The following CYB5R4 variants were observed in gnomAD, a reference collection of about 807,000 sequenced individuals.
The protein encoded by CYB5R4 is N-terminal cytochrome b5 and cytochrome b5 oxidoreductase domain-containing protein.
CYB5R4 carries 55 observed loss-of-function variants against 70.2 expected under a neutral mutation model. That is an observed-to-expected ratio of 0.78 (90% CI 0.63 to 0.98). CYB5R4 has a LOEUF of 0.98. Among genes scored for constraint, CYB5R4 ranks in the 50% least tolerant of loss-of-function variants. CYB5R4 has a pLI of 0.00. For synonymous variants in CYB5R4, 197 were observed against 199.5 expected (o/e 0.99, Z 0.11); for missense variants, 562 against 612.6 (o/e 0.92, Z 0.87).
At chr6:83,955,181 G>C (rs1320091739) in intron 14 of CYB5R4, 117 bp from the exon 15 acceptor site, 1 of 748,140 alleles carries the variant, frequency 1.3e-6, no homozygotes, top group African/African-American at 1.8e-5. Flanking sequence ...TAGCAAGTAA[G>C]TGTATCTTTA....
Position 83,910,136 on chromosome 6 carries a change from A to T in CYB5R4, c.412+1046A>T, listed in dbSNP as rs183017058. ...AGGACCTATAGTGGGCTGAGACATT[A>T]CTTTCAAAGATTTCTTTTACTGTCA... On this transcript the variant is annotated intron_variant, in intron 4 of 15. Transcript: ENST00000369681. The T allele has an allele frequency of 1.9e-6, 3 of 1,602,892 alleles. No individual in the cohort carries two copies. The African/African-American group carries it at 4.4e-5, about 24-fold the overall frequency.
chr6:83,895,593 A>C (rs1355270688), intron 3 of CYB5R4, among the ~76,000 whole-genome samples: 1 of 152,182 alleles, frequency 6.6e-6, no homozygotes, highest in Non-Finnish European at 1.5e-5. Flanking sequence ...ACTGTGCCAC[A>C]AGAAGAATTT....
chr6:83,931,804 T>TA (rs56378960), intron 10 of CYB5R4, among the ~76,000 whole-genome samples: 45,765 of 134,966 alleles, frequency 0.34, 7,529 homozygotes, highest in East Asian at 0.48. Context: ...TATATATATA[T>TA]TTTTTTTTTA....
intron 2 of CYB5R4, among the ~76,000 whole-genome samples, chr6:83,889,380 G>A (rs781411120): frequency 1.3e-5 from 2 of 152,190 alleles, no homozygotes; most frequent in Non-Finnish European, 2.9e-5. Context: ...TGCAGCTGGT[G>A]ACTTGAAGTC....
At chr6:83,956,956 CT>C (rs1414048221) in intron 15 of CYB5R4, among the ~76,000 whole-genome samples, 3 of 150,400 alleles carry the variant, frequency 2.0e-5, no homozygotes, top group African/African-American at 7.3e-5. Flanking sequence ...TTATATCTTG[CT>C]TTTTTATTTA....
chr6:83,918,761 A>C (rs1034121390), intron 6 of CYB5R4, among the ~76,000 whole-genome samples: 5 of 151,842 alleles, frequency 3.3e-5, no homozygotes, highest in Non-Finnish European at 2.9e-5. Context: ...TTTTTCTTTT[A>C]CCCCTTTTCT....
chr6:83,927,878 A>G, intron 10 of CYB5R4, among the ~76,000 whole-genome samples: 1 of 152,146 alleles, frequency 6.6e-6, no homozygotes, highest in Non-Finnish European at 1.5e-5. Flanking sequence ...TTGGTTTCCC[A>G]GGCAGACAGG....
At chr6:83,907,402 T>C (rs1175234334) in intron 3 of CYB5R4, among the ~76,000 whole-genome samples, 2 of 152,220 alleles carry the variant, frequency 1.3e-5, no homozygotes, top group African/African-American at 2.4e-5. Flanking sequence ...AGAAAATAAC[T>C]GTTAAATATC....
At chr6:83,909,639 A>G (rs957423967) in intron 4 of CYB5R4, among the ~76,000 whole-genome samples, 1 of 152,200 alleles carries the variant, frequency 6.6e-6, no homozygotes, top group African/African-American at 2.4e-5. Context: ...GAGTTATTTA[A>G]TTGAAAAAGC....
chr6:83,909,715 C>T (rs2099464372), intron 4 of CYB5R4, among the ~76,000 whole-genome samples: 1 of 152,070 alleles, frequency 6.6e-6, no homozygotes, highest in Non-Finnish European at 1.5e-5. Flanking sequence ...TTAAATGGTA[C>T]CTGCTTTTTT....
At chr6:83,869,875 A>G (rs1486609865) in intron 2 of CYB5R4, among the ~76,000 whole-genome samples, 1 of 151,626 alleles carries the variant, frequency 6.6e-6, no homozygotes, top group East Asian at 1.9e-4. Context: ...CATAATTTTT[A>G]CACTTTTGTG....
chr6:83,870,801 A>G (rs184218862), intron 2 of CYB5R4, among the ~76,000 whole-genome samples: 2 of 152,096 alleles, frequency 1.3e-5, no homozygotes, highest in Middle Eastern at 3.4e-3. Flanking sequence ...GTGCTTTTAG[A>G]CATTCAAAGA....
At chr6:83,878,403 A>G (rs1317346216) in intron 2 of CYB5R4, among the ~76,000 whole-genome samples, 1 of 151,674 alleles carries the variant, frequency 6.6e-6, no homozygotes, top group African/African-American at 2.4e-5. Context: ...GCTGGAGTGC[A>G]GTGGTGCAGT....
chr6:83,874,895 T>G (rs1405616784), intron 2 of CYB5R4, among the ~76,000 whole-genome samples: 2 of 152,124 alleles, frequency 1.3e-5, no homozygotes, highest in Non-Finnish European at 2.9e-5. Context: ...CGATCTTGGC[T>G]CACTGCAACC....
intron 14 of CYB5R4, among the ~76,000 whole-genome samples, chr6:83,953,189 A>G (rs1185182242): frequency 6.6e-6 from 1 of 152,158 alleles, no homozygotes; most frequent in Admixed American, 6.6e-5. Flanking sequence ...CTTAGCATAT[A>G]TAAGGCTTTC....
intron 10 of CYB5R4, among the ~76,000 whole-genome samples, chr6:83,934,205 G>GC (rs1171420358): frequency 6.7e-6 from 1 of 149,524 alleles, no homozygotes; most frequent in African/African-American, 2.5e-5. Context: ...ATCAGCCTGG[G>GC]CAACATAGTG....
rs1013021756 is a variant in CYB5R4 at position 83,967,327 on chromosome 6, G to A, written c.*7449G>A. 4 of 152,172 alleles carry A rather than the reference G, an allele frequency of 2.6e-5. No homozygotes were observed. Among genetic ancestry groups the A allele is most frequent in the African/African-American group, 9.6e-5 (4 of 41,452 alleles). 9.4% of individuals were successfully genotyped at this position (152,172 alleles called of 1,614,324 possible). A position where few individuals can be genotyped will look rare whatever the true frequency, so the allele number is the denominator to read the frequency against. ...TAAAAAAGAAAGAGTATAGGTATAT[G>A]CTAAACTATTTCAGTAGTTTTGGCA... On this transcript the variant is annotated 3_prime_UTR_variant, in exon 16 of 16. Transcript: ENST00000369681.
intron 2 of CYB5R4, among the ~76,000 whole-genome samples, chr6:83,887,407 C>A (rs1171536805): frequency 6.6e-6 from 1 of 152,170 alleles, no homozygotes; most frequent in Non-Finnish European, 1.5e-5. Context: ...ATTCAGAGAA[C>A]TTGTTTGAGA....
At chr6:83,947,857 A>G (rs922942815) in intron 14 of CYB5R4, among the ~76,000 whole-genome samples, 1 of 152,108 alleles carries the variant, frequency 6.6e-6, no homozygotes, top group African/African-American at 2.4e-5. Flanking sequence ...CGATCATTTA[A>G]AAAGTCAGGA....
Sources: gnomAD v4.1 joint callset for allele counts (sites outside exome capture counted in the v4.1 genomes callset) on GRCh38, gnomAD v4.1.1 for gene constraint, MANE v1.5 for transcripts, NCBI Gene and HGNC (gene_info 2026-07-23, HGNC 2026-07-21) for gene names.